Variants in SPEG observed in about 807,000 individuals in gnomAD.
The protein encoded by SPEG is striated muscle enriched protein kinase, also known as striated muscle preferentially expressed protein kinase.
In SPEG, 114 loss-of-function variants were observed where a neutral mutation model predicts 300.4. The ratio of observed to expected loss-of-function variants is 0.38; its 90% CI spans 0.33 to 0.44. The LOEUF (loss-of-function observed/expected upper bound fraction) is 0.44. Among genes scored for constraint, SPEG ranks in the 20% least tolerant of loss-of-function variants. The probability of loss-of-function intolerance (pLI) is 1.00; values close to 1 mark genes in which losing one functional copy is unlikely to be tolerated. For synonymous variants in SPEG, 1,964 were observed against 2,018.9 expected, an observed-to-expected ratio of 0.97 and a Z score of 0.73; for missense variants, 4,201 against 4,586.2, an observed-to-expected ratio of 0.92 and a Z score of 2.43.
In SPEG at chr2:219,448,114, G is replaced by T; in HGVS notation, c.956G>T (p.Arg319Leu). The change falls in exon 4 of 41, where the codon CGG becomes CTG. Residue 319 changes from arginine to leucine, a missense_variant. Coordinates refer to ENST00000312358, the MANE Select transcript of SPEG (RefSeq NM_005876.5). ...CCACCGTCCCCTCGGGTCGGGAAGC[G>T]GTCCCCGCCGGGACCCCCGGCCCAG... is the stretch of plus-strand genomic sequence containing the variant. Reference protein sequence around the residue: ...LPPPSPRVGKRSPPGPPAQPA... With the variant: ...LPPPSPRVGKLSPPGPPAQPA... 7 of 1,602,038 alleles carry T rather than the reference G, an allele frequency of 4.4e-6. No individual in the cohort carries two copies. The highest frequency in any genetic ancestry group is 2.3e-5 in the East Asian group (1 of 44,222).
At chr2:219,462,172 C>T (rs1448709482) in intron 7 of SPEG, 115 bp downstream of exon 7, 3 of 1,191,936 alleles carry the variant, frequency 2.5e-6, no homozygotes, top group African/African-American at 1.5e-5. Context: ...TGCTCCCATT[C>T]AAACCCTCTT....
At chr2:219,461,045 G>A (rs1354640701) in intron 6 of SPEG, 1 of 965,760 alleles carries the variant, frequency 1.0e-6, no homozygotes, top group Non-Finnish European at 1.2e-6. Context: ...GGGGACCCTG[G>A]GGAGAACCTA....
rs758710363 is a variant in SPEG, at chr2:219,449,000, C to A, written c.1842C>A (p.Pro614=). 6.8e-7 allele frequency: 1 copy of A among 1,481,474 alleles called. No individual in the cohort carries two copies. Among genetic ancestry groups the A allele is most frequent in the African/African-American group, 1.5e-5 (1 of 67,478 alleles). 91.8% of individuals were successfully genotyped at this position (1,481,474 alleles called of 1,614,324 possible). A position where few individuals can be genotyped will look rare whatever the true frequency, so the allele number is the denominator to read the frequency against. ...IQECRSPVPP[P]AADPPEARTK... is the part of the protein sequence containing the mutation. Reference sequence around the variant, plus strand: ...AGTGCAGGAGCCCTGTGCCGCCCCCCGCCGCCGATCCCCCAGAGGCCAGGA... The same window carrying A: ...AGTGCAGGAGCCCTGTGCCGCCCCCAGCCGCCGATCCCCCAGAGGCCAGGA... Residue 614 remains proline (P), a synonymous_variant, in exon 4 of 41, where the codon CCC becomes CCA. Transcript: ENST00000312358.
chr2:219,488,443 G>C, intron 32 of SPEG, 55 bp from the exon 33 acceptor site: 1 of 1,529,126 alleles, frequency 6.5e-7, no homozygotes, highest in Non-Finnish European at 8.8e-7. Context: ...GAGTGAGGGG[G>C]CCTGGACATG....
At chr2:219,470,136 T>G (rs1416763117) in intron 13 of SPEG, among the ~76,000 whole-genome samples, 2 of 152,184 alleles carry the variant, frequency 1.3e-5, no homozygotes, top group African/African-American at 2.4e-5. Context: ...ATTAAGTGCT[T>G]TCTAAGTGCC....
At chr2:219,466,442 C>T in intron 9 of SPEG, 1 of 1,239,374 alleles carries the variant, frequency 8.1e-7, no homozygotes, top group Non-Finnish European at 1.0e-6. Flanking sequence ...GTGTCTGTGA[C>T]AGTCAGGGAA....
At position 219,468,877 on chromosome 2, in the gene SPEG, G is replaced by A. The variant is rs1691617498; in HGVS notation, c.3320G>A (p.Ser1107Asn). The A allele has an allele frequency of 6.2e-7, 1 of 1,613,384 alleles. No homozygotes were observed. Among genetic ancestry groups the A allele is most frequent in the Non-Finnish European group, 8.5e-7 (1 of 1,179,676 alleles). The change falls in exon 12 of 41, where the codon AGT becomes AAT. Residue 1107 changes from serine (S) to asparagine (N), a missense_variant. Physicochemically the swap from Ser to Asn is conservative, Grantham distance 46. Coordinates refer to ENST00000312358, the MANE Select transcript of SPEG (RefSeq NM_005876.5). ...TCTGCAGGCTGCCCCATGGAGGAGA[G>A]TGAGAACTTGCGGCTGCGGCAGGAC... ...WTHFGCPMEESENLRLRQDGG... is the reference protein window; with the variant it reads ...WTHFGCPMEENENLRLRQDGG...
Position 219,484,562 on chromosome 2 carries a change from G to A in SPEG, c.7099G>A (p.Glu2367Lys). ...GGAGCGCGGCCCCTTCCGTGGGGCC[G>A]AGGAGGAGGATGGCATATACCGGCC... ...SEERGPFRGA[E>K]EEDGIYRPSP... Residue 2367 changes from glutamate (E) to lysine (K), a missense_variant, in exon 30 of 41, where the codon GAG (glutamate) becomes AAG (lysine). Glu to Lys is a moderately conservative substitution (Grantham distance 56). This residue lies in a region of SPEG where 1,578 missense variants were observed against 1,506.0 expected (regional missense o/e 1.05). Coordinates refer to ENST00000312358, the MANE Select transcript of SPEG (RefSeq NM_005876.5). 6.3e-7 allele frequency: 1 copy of A among 1,585,916 alleles called. No homozygotes were observed. The highest frequency in any genetic ancestry group is 8.5e-7 in the Non-Finnish European group (1 of 1,170,478).
chr2:219,482,989 C>G, intron 29 of SPEG, 109 bp from the exon 30 acceptor site: 1 of 1,425,384 alleles, frequency 7.0e-7, no homozygotes, highest in Non-Finnish European at 9.7e-7. Context: ...CCTGCCTGTT[C>G]CCTGACCCTC....
rs1692103197 is a variant in SPEG, at chr2:219,473,813, C to T, written c.4357C>T (p.Arg1453Trp). Residue 1453 changes from arginine to tryptophan, a missense_variant, in exon 18 of 41, where the codon CGG (arginine) becomes TGG (tryptophan). By Grantham distance (101) the Arg-to-Trp change is moderately radical (BLOSUM62 -3). This residue lies in a region of SPEG where 1,047 missense variants were observed against 1,356.8 expected (regional missense o/e 0.77). Transcript: ENST00000312358. The surrounding 1 kb of genome is among the most constrained non-coding windows in gnomAD (Gnocchi z 4.6). Reference protein sequence around the residue: ...DDDQYCLRICRVSRRDMGALT... With the variant: ...DDDQYCLRICWVSRRDMGALT... ...TGACCAGTACTGTCTTCGGATCTGCCGGGTGAGCCGCCGGGACATGGGGGC... is the reference window on the plus strand; with the variant it reads ...TGACCAGTACTGTCTTCGGATCTGCTGGGTGAGCCGCCGGGACATGGGGGC... 1.9e-6 allele frequency: 3 copies of T among 1,613,912 alleles called. No individual in the cohort carries two copies. The highest frequency in any genetic ancestry group is 2.5e-6 in the Non-Finnish European group (3 of 1,180,024).
intron 18 of SPEG, among the ~76,000 whole-genome samples, chr2:219,476,543 T>C (rs896631093): frequency 6.6e-6 from 1 of 152,212 alleles, no homozygotes; most frequent in Non-Finnish European, 1.5e-5. Flanking sequence ...GAAATCCAGA[T>C]TTCTTTTGTG....
rs148320404 is a variant in SPEG, at chr2:219,480,920, G to A, written c.5369+223G>A. Among the ~76,000 whole-genome samples the A allele has an allele frequency of 2.6e-5, 4 of 152,130 alleles. No homozygotes were observed. In the South Asian group the frequency reaches 6.2e-4, roughly 24 times the overall value. On this transcript the variant is annotated intron_variant, in intron 26 of 40. Transcript: ENST00000312358. The surrounding 1 kb of genome is among the most constrained non-coding windows in gnomAD (Gnocchi z 5.3). ...GCACCCTAGATGGAGAGAGCCCAGC[G>A]CAGGCTCAGGGCCATGGAGGCAGGG...
At position 219,489,624 on chromosome 2, in the gene SPEG, C is replaced by T. The variant is rs1286312859; in HGVS notation, c.8606C>T (p.Pro2869Leu). 1.2e-6 allele frequency: 2 copies of T among 1,613,906 alleles called. No individual in the cohort carries two copies. Among genetic ancestry groups the T allele is most frequent in the South Asian group, 1.1e-5 (1 of 91,090 alleles). The change falls in exon 36 of 41, where the codon CCA becomes CTA. Residue 2869 changes from proline to leucine, a missense_variant. Pro to Leu is a moderately conservative substitution (Grantham distance 98, BLOSUM62 -3). Around this residue, in one of 4 missense-constraint regions of SPEG, gnomAD observed 1,578 missense variants for 1,506.0 expected, o/e 1.05. Transcript: ENST00000312358. ...ACCCTACCCAGTACCCACGTCACCC[C>T]AAGTGAGCCCAAGCCTTTCGTCCTT... ...EPTLPSTHVT[P>L]SEPKPFVLDT...
chr2:219,437,778 C>A (rs1954756594), intron 1 of SPEG, among the ~76,000 whole-genome samples: 1 of 152,042 alleles, frequency 6.6e-6, no homozygotes, highest in African/African-American at 2.4e-5. Flanking sequence ...CCTTCTGTTG[C>A]CCACCCCCAC....
In SPEG at chr2:219,452,928, C is replaced by T. The variant is rs186728434; in HGVS notation, c.2440+1121C>T. 3.0e-4 allele frequency among the ~76,000 whole-genome samples: 45 copies of T among 152,298 alleles called. 1 individual carries two copies. In the East Asian group the frequency reaches 7.5e-3, roughly 25 times the overall value. On this transcript the variant is annotated intron_variant, in intron 6 of 40. Transcript: ENST00000312358. ...TGCTCCAGTAGAGCCTTTGGTTGCACGGTCTGGCTTGTGCCACTGCAGGTC... is the reference window on the plus strand; with the variant it reads ...TGCTCCAGTAGAGCCTTTGGTTGCATGGTCTGGCTTGTGCCACTGCAGGTC...
Position 219,481,340 on chromosome 2 carries a change from C to A in SPEG, c.5406C>A (p.Asp1802Glu), listed in dbSNP as rs1692822384. 6.2e-7 allele frequency: 1 copy of A among 1,614,048 alleles called. No homozygotes were observed. The highest frequency in any genetic ancestry group is 8.5e-7 in the Non-Finnish European group (1 of 1,180,042). ...TCTCCCCGTTTGTTGGGGAAAATGA[C>A]CGGACAACATTGATGAACATCCGAA... is the stretch of plus-strand genomic sequence containing the variant. ...TGISPFVGEN[D>E]RTTLMNIRNY... The change falls in exon 27 of 41, where the codon GAC becomes GAA. Residue 1802 changes from aspartate (D) to glutamate (E), a missense_variant. By Grantham distance (45) the Asp-to-Glu change is conservative. Coordinates refer to ENST00000312358, the MANE Select transcript of SPEG (RefSeq NM_005876.5). The surrounding 1 kb of genome is among the most constrained non-coding windows in gnomAD (Gnocchi z 5.4).
intron 6 of SPEG, among the ~76,000 whole-genome samples, chr2:219,453,028 C>T (rs937214057): frequency 1.4e-4 from 21 of 152,336 alleles, no homozygotes; most frequent in Admixed American, 1.0e-3. Flanking sequence ...CCTCCTACCC[C>T]GCTGAATCAT....
At chr2:219,491,166 A>C (rs1575204822) in intron 38 of SPEG, among the ~76,000 whole-genome samples, 2 of 152,362 alleles carry the variant, frequency 1.3e-5, no homozygotes, top group South Asian at 2.1e-4. Flanking sequence ...ACTGAGGGGT[A>C]CTGATGTTAG....
chr2:219,471,814 C>A, intron 13 of SPEG, 54 bp from the exon 14 acceptor site: 2 of 1,608,354 alleles, frequency 1.2e-6, no homozygotes, highest in Admixed American at 3.3e-5. Flanking sequence ...ATGGGCCTAC[C>A]CCTCAAGGTA....
Sources: allele counts gnomAD v4.1 joint callset (sites outside exome capture counted in the v4.1 genomes callset), GRCh38; gene constraint gnomAD v4.1.1; regional missense constraint gnomAD v4.1.1; non-coding constraint Gnocchi (gnomAD v3.1); transcripts MANE v1.5; gene names NCBI Gene and HGNC (gene_info 2026-07-23, HGNC 2026-07-21).